ARNT2: variants seen among roughly 807,000 people sequenced by gnomAD.
The protein encoded by ARNT2 is aryl hydrocarbon receptor nuclear translocator 2, also known as ARNT protein 2.
In ARNT2, 36 loss-of-function variants were observed where a neutral mutation model predicts 91.7. That is an observed-to-expected ratio of 0.39 (90% CI 0.30 to 0.52). The LOEUF (loss-of-function observed/expected upper bound fraction) is 0.52. ARNT2 is among the 20% of genes least tolerant of loss of function. The pLI is 0.72. For missense variants in ARNT2, 775 were observed against 939.3 expected, an observed-to-expected ratio of 0.83 and a Z score of 2.29; for synonymous variants, 365 against 347.1, an observed-to-expected ratio of 1.05 and a Z score of -0.57.
At chr15:80,434,567 G>C (rs1172791079) in intron 1 of ARNT2, 1 of 152,544 alleles carries the variant, frequency 6.6e-6, no homozygotes, top group African/African-American at 2.4e-5. Context: ...GCTCATCTGT[G>C]CTTTTTGTCG....
intron 1 of ARNT2, among the ~76,000 whole-genome samples, chr15:80,445,313 TGTG>T (rs555744342): frequency 4.9e-5 from 7 of 143,594 alleles, no homozygotes; most frequent in Admixed American, 6.9e-5. Flanking sequence ...TCGAGAGTGG[TGTG>T]GGGGTGTGTG....
chr15:80,480,548 C>T (rs1283356679), intron 5 of ARNT2, among the ~76,000 whole-genome samples: 4 of 152,120 alleles, frequency 2.6e-5, no homozygotes, highest in Non-Finnish European at 5.9e-5. Flanking sequence ...CAAGCATAAC[C>T]CACGGACTCT....
chr15:80,418,019 G>C lies in ARNT2; in HGVS notation c.31+13473G>C, dbSNP rs114100885. On this transcript the variant is annotated intron_variant, in intron 1 of 18. Coordinates refer to ENST00000303329, the MANE Select transcript of ARNT2 (RefSeq NM_014862.4). ...GCATGGTTATATTTACCAATGTTTGGGATGGTACCTGGCACACAGTAGGTG... is the reference window on the plus strand; with the variant it reads ...GCATGGTTATATTTACCAATGTTTGCGATGGTACCTGGCACACAGTAGGTG... 6.3e-3 allele frequency among the ~76,000 whole-genome samples: 962 copies of C among 152,248 alleles called. 7 individuals are homozygous for C. The highest frequency in any genetic ancestry group is 0.022 in the African/African-American group (920 of 41,536).
chr15:80,554,929 T>C (rs1445399479), intron 10 of ARNT2, 136 bp from the exon 11 acceptor site: 3 of 895,568 alleles, frequency 3.3e-6, no homozygotes, highest in Non-Finnish European at 5.0e-6. Flanking sequence ...GCACTCACTT[T>C]TTCAAAAAAT....
At chr15:80,407,710 T>A (rs1214431526) in intron 1 of ARNT2, among the ~76,000 whole-genome samples, 1 of 127,564 alleles carries the variant, frequency 7.8e-6, no homozygotes, top group Non-Finnish European at 1.5e-5. Context: ...TTTGTGTGTC[T>A]GTGTGTGTGT....
intron 3 of ARNT2, among the ~76,000 whole-genome samples, chr15:80,459,834 A>G (rs1383322923): frequency 6.6e-6 from 1 of 152,212 alleles, no homozygotes; most frequent in Non-Finnish European, 1.5e-5. Context: ...TGTTACTAAT[A>G]GGAATGAGTT....
intron 1 of ARNT2, among the ~76,000 whole-genome samples, chr15:80,438,799 C>A (rs1023463320): frequency 8.5e-5 from 13 of 152,196 alleles, no homozygotes; most frequent in African/African-American, 3.1e-4. Context: ...ACGCGATTCT[C>A]CTGCCTCAGC....
At chr15:80,554,860 A>G in intron 10 of ARNT2, 1 of 518,384 alleles carries the variant, frequency 1.9e-6, no homozygotes, top group Non-Finnish European at 3.5e-6. Context: ...TGAGCATGCC[A>G]GAAGAACTTA....
intron 5 of ARNT2, among the ~76,000 whole-genome samples, chr15:80,481,221 T>C (rs1400402891): frequency 2.6e-5 from 4 of 152,206 alleles, no homozygotes; most frequent in African/African-American, 4.8e-5. Context: ...GGCTGTGGTC[T>C]GGGCACAGAT....
At chr15:80,501,785 A>T (rs1289051158) in intron 5 of ARNT2, among the ~76,000 whole-genome samples, 1 of 152,218 alleles carries the variant, frequency 6.6e-6, no homozygotes, top group Non-Finnish European at 1.5e-5. Context: ...CAAAGTAGGA[A>T]TGCCTGATTC....
intron 5 of ARNT2, among the ~76,000 whole-genome samples, chr15:80,476,335 G>A (rs929899491): frequency 2.0e-5 from 3 of 152,140 alleles, no homozygotes; most frequent in Non-Finnish European, 4.4e-5. Context: ...CGTGTGGCCC[G>A]GTTCAGCTAG....
intron 1 of ARNT2, among the ~76,000 whole-genome samples, chr15:80,448,857 C>T (rs1304773170): frequency 2.6e-5 from 4 of 152,222 alleles, no homozygotes; most frequent in Admixed American, 6.5e-5. Context: ...TGGTGGCGGG[C>T]GCCTGTAGTC....
Position 80,555,180 on chromosome 15 carries a change from T to G in ARNT2, c.1164+41T>G, listed in dbSNP as rs371006558. On this transcript the variant is annotated intron_variant, in intron 11 of 18. Transcript: ENST00000303329. ...ACCCACTTAAAGCTGATGCATAGTC[T>G]GGGCACCTGTGGATGTGGCTGGCAG... is the stretch of plus-strand genomic sequence containing the variant. The G allele has an allele frequency of 3.8e-6, 6 of 1,597,252 alleles. No individual in the cohort carries two copies. The African/African-American group carries it at 8.0e-5, about 21-fold the overall frequency.
intron 8 of ARNT2, among the ~76,000 whole-genome samples, chr15:80,528,356 A>G (rs1250836224): frequency 6.6e-6 from 1 of 151,118 alleles, no homozygotes; most frequent in Admixed American, 6.6e-5. Context: ...GATTTTAGAT[A>G]TTTGACCATT....
At chr15:80,507,489 C>T (rs898085148) in intron 5 of ARNT2, among the ~76,000 whole-genome samples, 5 of 152,058 alleles carry the variant, frequency 3.3e-5, no homozygotes, top group East Asian at 3.9e-4. Flanking sequence ...GCTGCTTTTG[C>T]GGTGCATGGT....
chr15:80,479,778 C>G (rs779067638), intron 5 of ARNT2, among the ~76,000 whole-genome samples: 5 of 152,164 alleles, frequency 3.3e-5, no homozygotes, highest in African/African-American at 9.7e-5. Flanking sequence ...GGGCCCGGCT[C>G]TCTTGGCTCA....
At chr15:80,535,858 G>A (rs1431836489) in intron 8 of ARNT2, among the ~76,000 whole-genome samples, 1 of 152,166 alleles carries the variant, frequency 6.6e-6, no homozygotes, top group Middle Eastern at 3.4e-3. Context: ...TTCCAAGTAC[G>A]TGAAGCTTTT....
intron 1 of ARNT2, among the ~76,000 whole-genome samples, chr15:80,433,067 T>A (rs1376140387): frequency 6.6e-6 from 1 of 152,024 alleles, no homozygotes; most frequent in East Asian, 1.9e-4. Flanking sequence ...TGGATGAATA[T>A]ATTCATCAAG....
chr15:80,503,761 G>A (rs755658395), intron 5 of ARNT2, among the ~76,000 whole-genome samples: 4 of 152,214 alleles, frequency 2.6e-5, no homozygotes, highest in Admixed American at 6.5e-5. Context: ...CACAGGCTGC[G>A]CCAGAGCTCT....
Sources: allele counts gnomAD v4.1 joint callset (sites outside exome capture counted in the v4.1 genomes callset), GRCh38; gene constraint gnomAD v4.1.1; transcripts MANE v1.5; gene names NCBI Gene and HGNC (gene_info 2026-07-23, HGNC 2026-07-21).